Variants in BBOX1 observed in about 807,000 individuals in gnomAD.
The protein encoded by BBOX1 is gamma-butyrobetaine dioxygenase.
BBOX1 carries 35 observed loss-of-function variants against 41.6 expected under a neutral mutation model. The observed-to-expected ratio is 0.84, with a 90% CI of 0.64 to 1.11. The LOEUF (loss-of-function observed/expected upper bound fraction) is 1.11, where lower values mean the gene tolerates loss of function less well. Ranked by LOEUF, BBOX1 falls within the 50% of genes most tolerant of loss-of-function variation. BBOX1 has a pLI of 0.00. For synonymous variants in BBOX1, 163 were observed against 154.7 expected (o/e 1.05, Z -0.40); for missense variants, 458 against 460.6 (o/e 0.99, Z 0.05).
intron 2 of BBOX1, among the ~76,000 whole-genome samples, chr11:27,045,355 A>T (rs540814455): frequency 1.4e-4 from 21 of 152,306 alleles, no homozygotes; most frequent in Non-Finnish European, 2.5e-4. Flanking sequence ...TTCTAAATGT[A>T]CAATTCATGT....
At chr11:27,041,142 T>G (rs1348557774) in intron 1 of BBOX1, 74 bp from the exon 2 acceptor site, 1 of 151,930 alleles carries the variant, frequency 6.6e-6, no homozygotes, top group Non-Finnish European at 1.5e-5. Context: ...TATTTTCTCT[T>G]GCTAACTGCT....
chr11:27,043,091 T>G (rs937806652), intron 2 of BBOX1, among the ~76,000 whole-genome samples: 1 of 151,804 alleles, frequency 6.6e-6, no homozygotes, highest in African/African-American at 2.4e-5. Flanking sequence ...TGAGACGGAG[T>G]CTCACTCTGT....
chr11:27,100,442 T>C (rs1388146836), intron 5 of BBOX1, among the ~76,000 whole-genome samples: 1 of 152,152 alleles, frequency 6.6e-6, no homozygotes, highest in Non-Finnish European at 1.5e-5. Flanking sequence ...GCCTGAGTTC[T>C]AAATTTAATT....
At chr11:27,050,345 G>T in intron 2 of BBOX1, among the ~76,000 whole-genome samples, 1 of 151,924 alleles carries the variant, frequency 6.6e-6, no homozygotes, top group Non-Finnish European at 1.5e-5. Flanking sequence ...ATTTTTTGTG[G>T]TTCCATACAT....
intron 7 of BBOX1, among the ~76,000 whole-genome samples, chr11:27,123,008 C>A (rs576177438): frequency 1.3e-5 from 2 of 152,164 alleles, no homozygotes; most frequent in Non-Finnish European, 2.9e-5. Flanking sequence ...TGCTAACCTT[C>A]AATTTTTCAT....
intron 4 of BBOX1, among the ~76,000 whole-genome samples, chr11:27,092,731 A>G (rs974176885): frequency 6.6e-6 from 1 of 151,928 alleles, no homozygotes; most frequent in African/African-American, 2.4e-5. Context: ...CTCAACCCCC[A>G]GCTCCCAAGA....
chr11:27,093,838 G>C (rs1013848848), intron 5 of BBOX1, among the ~76,000 whole-genome samples: 1 of 151,800 alleles, frequency 6.6e-6, no homozygotes, highest in Non-Finnish European at 1.5e-5. Flanking sequence ...TTCTTCTTCT[G>C]ATATGGACAC....
intron 5 of BBOX1, among the ~76,000 whole-genome samples, chr11:27,102,962 A>T: frequency 6.6e-6 from 1 of 152,092 alleles, no homozygotes; most frequent in East Asian, 1.9e-4. Flanking sequence ...AGGCTGAGGC[A>T]GGTGGATCAC....
At chr11:27,062,703 A>G (rs1484706458) in intron 4 of BBOX1, among the ~76,000 whole-genome samples, 1 of 151,984 alleles carries the variant, frequency 6.6e-6, no homozygotes, top group Non-Finnish European at 1.5e-5. Flanking sequence ...AGGTGCTACA[A>G]GGACTACCGG....
At chr11:27,092,312 A>G (rs773092917) in intron 4 of BBOX1, among the ~76,000 whole-genome samples, 3 of 151,942 alleles carry the variant, frequency 2.0e-5, no homozygotes, top group South Asian at 4.1e-4. Context: ...TTACCTTCCT[A>G]GGGCAATTTT....
chr11:27,061,413 A>C (rs11029817), intron 4 of BBOX1, among the ~76,000 whole-genome samples: 49,576 of 152,100 alleles, frequency 0.33, 8,242 homozygotes, highest in East Asian at 0.45. Context: ...GATTTTTAAA[A>C]TACATTCTCA....
intron 6 of BBOX1, among the ~76,000 whole-genome samples, chr11:27,117,595 A>G (rs1184631258): frequency 6.6e-6 from 1 of 152,016 alleles, no homozygotes; most frequent in African/African-American, 2.4e-5. Context: ...AATAAGGCTT[A>G]AAGAATGAGA....
Position 27,055,381 on chromosome 11 carries a change from G to T in BBOX1, c.-38-12G>T. The T allele has an allele frequency of 6.4e-7, 1 of 1,573,556 alleles. No homozygotes were observed. Among genetic ancestry groups the T allele is most frequent in the South Asian group, 1.1e-5 (1 of 89,696 alleles). ...TCTGCCTGAGATTCCTTTTAACACT[G>T]ATTTGTCATAGCAGGTAGCTGACAG... On this transcript the variant is annotated splice_polypyrimidine_tract_variant and intron_variant, in intron 2 of 8. Coordinates refer to ENST00000263182, the MANE Select transcript of BBOX1 (RefSeq NM_003986.3).
At chr11:27,053,364 C>T (rs554198116) in intron 2 of BBOX1, among the ~76,000 whole-genome samples, 1 of 152,258 alleles carries the variant, frequency 6.6e-6, no homozygotes, top group African/African-American at 2.4e-5. Context: ...TGCCTGGGGG[C>T]AAAATGTCGC....
At chr11:27,125,571 T>C (rs1859622194) in intron 7 of BBOX1, 83 bp from the exon 8 acceptor site, 1 of 1,195,798 alleles carries the variant, frequency 8.4e-7, no homozygotes, top group Non-Finnish European at 1.1e-6. Flanking sequence ...GTTTCAAAAA[T>C]ATATTTGAAG....
In BBOX1 at chr11:27,125,702, T is replaced by G; in HGVS notation, c.885T>G (p.Thr295=). 1 of 1,608,818 alleles carries G rather than the reference T, an allele frequency of 6.2e-7. No individual in the cohort carries two copies. Among genetic ancestry groups the G allele is most frequent in the Non-Finnish European group, 8.5e-7 (1 of 1,177,060 alleles). The change falls in exon 8 of 9, where the codon ACT becomes ACG. Residue 295 remains threonine, a synonymous_variant. Transcript: ENST00000263182. ...QVVRINFNNA[T]RDTIFDVPVE... is the part of the protein sequence containing the mutation. Reference sequence around the variant, plus strand: ...TTCGCATCAACTTCAATAACGCAACTAGGGACACAATATTTGATGTGCCTG... The same window carrying G: ...TTCGCATCAACTTCAATAACGCAACGAGGGACACAATATTTGATGTGCCTG...
At chr11:27,079,786 T>C (rs1249342716) in intron 4 of BBOX1, among the ~76,000 whole-genome samples, 3 of 152,138 alleles carry the variant, frequency 2.0e-5, no homozygotes, top group Non-Finnish European at 4.4e-5. Context: ...CTGCTCCACA[T>C]ACAGCATTTT....
chr11:27,099,815 T>C (rs1412103964), intron 5 of BBOX1, among the ~76,000 whole-genome samples: 1 of 152,140 alleles, frequency 6.6e-6, no homozygotes, highest in Non-Finnish European at 1.5e-5. Context: ...CTATGTCCTT[T>C]GAGGTCCTTG....
intron 6 of BBOX1, among the ~76,000 whole-genome samples, chr11:27,116,623 G>A (rs568780488): frequency 3.6e-4 from 54 of 151,880 alleles, no homozygotes; most frequent in African/African-American, 1.2e-3. Flanking sequence ...GTTGGCTTGG[G>A]ACAGATTGAC....
Sources: allele counts gnomAD v4.1 joint callset (sites outside exome capture counted in the v4.1 genomes callset), GRCh38; gene constraint gnomAD v4.1.1; transcripts MANE v1.5; gene names NCBI Gene and HGNC (gene_info 2026-07-23, HGNC 2026-07-21).